Variants in EYS observed in about 807,000 individuals in gnomAD.
EYS encodes the protein EGF-like photoreceptor maintenance factor, also known as protein eyes shut homolog.
In EYS, 250 loss-of-function variants were observed where a neutral mutation model predicts 282.1. That is an observed-to-expected ratio of 0.89 (90% CI 0.80 to 0.98). The LOEUF is 0.98. EYS is among the 50% of genes least tolerant of loss of function. The pLI, the probability that EYS is intolerant of heterozygous loss-of-function variation, is 0.00. For missense variants in EYS, 4,016 were observed against 3,709.0 expected (o/e 1.08, Z -2.15); for synonymous variants, 1,355 against 1,282.9 (o/e 1.06, Z -1.20).
At chr6:65,524,157 C>T (rs1181974217) in intron 2 of EYS, among the ~76,000 whole-genome samples, 2 of 152,204 alleles carry the variant, frequency 1.3e-5, no homozygotes, top group African/African-American at 4.8e-5. Flanking sequence ...CAGGCTTGAG[C>T]CACCGCATCT....
In EYS at chr6:64,912,532, T is replaced by C. The variant is rs1228765084; in HGVS notation, c.2593A>G (p.Thr865Ala). Residue 865 changes from threonine to alanine, a missense_variant, in exon 16 of 43, where the codon ACA becomes GCA. Transcript: ENST00000503581. ...LLHNPCRNNS[T>A]CLALVDANQH... ...TTTGCGTCTACCAAAGCTAAGCATG[T>C]TGAGTTGTTTCTGCAAGGGTTATGA... is the stretch of plus-strand genomic sequence containing the variant. 1.5e-5 allele frequency: 23 copies of C among 1,551,292 alleles called. No homozygotes were observed. The highest frequency in any genetic ancestry group is 2.0e-5 in the Non-Finnish European group (23 of 1,146,664).
chr6:64,201,939 C>A (rs1300165172), intron 31 of EYS, among the ~76,000 whole-genome samples: 1 of 152,132 alleles, frequency 6.6e-6, no homozygotes, highest in Non-Finnish European at 1.5e-5. Context: ...GTATGACTGT[C>A]ATCTAAGTGA....
intron 29 of EYS, among the ~76,000 whole-genome samples, chr6:64,363,691 A>G (rs539970448): frequency 6.6e-6 from 1 of 152,026 alleles, no homozygotes; most frequent in South Asian, 2.1e-4. Context: ...ATCATCGTCA[A>G]TCTACCAAAT....
At chr6:64,742,805 G>T (rs2149962452) in intron 22 of EYS, among the ~76,000 whole-genome samples, 1 of 152,246 alleles carries the variant, frequency 6.6e-6, no homozygotes, top group South Asian at 2.1e-4. Context: ...ACCTCAGAGG[G>T]AATGGCTCCA....
At chr6:64,424,442 G>GA (rs2150454575) in intron 28 of EYS, among the ~76,000 whole-genome samples, 1 of 152,242 alleles carries the variant, frequency 6.6e-6, no homozygotes, top group South Asian at 2.1e-4. Flanking sequence ...CAACTCTGGA[G>GA]AAAAAAATAT....
chr6:64,724,564 G>A (rs190902882), intron 22 of EYS, among the ~76,000 whole-genome samples: 1 of 152,232 alleles, frequency 6.6e-6, no homozygotes, highest in East Asian at 1.9e-4. Context: ...TTTCTATAAA[G>A]AATAGTTTAC....
At chr6:64,774,786 G>C (rs989489205) in intron 22 of EYS, among the ~76,000 whole-genome samples, 1 of 151,670 alleles carries the variant, frequency 6.6e-6, no homozygotes, top group Non-Finnish European at 1.5e-5. Flanking sequence ...CTAAATTTTG[G>C]GCCCATCTTT....
intron 13 of EYS, among the ~76,000 whole-genome samples, chr6:65,037,531 T>C (rs1258182299): frequency 6.6e-6 from 1 of 151,828 alleles, no homozygotes; most frequent in African/African-American, 2.4e-5. Context: ...ATGTATTTTC[T>C]CTTCCGTATG....
intron 26 of EYS, among the ~76,000 whole-genome samples, chr6:64,491,729 A>G (rs1776746085): frequency 6.6e-6 from 1 of 151,040 alleles, no homozygotes; most frequent in Non-Finnish European, 1.5e-5. Context: ...TGTTTCAAAG[A>G]CATAACTCAC....
At chr6:65,461,225 A>G (rs1215761445) in intron 5 of EYS, among the ~76,000 whole-genome samples, 3 of 152,122 alleles carry the variant, frequency 2.0e-5, no homozygotes, top group Non-Finnish European at 4.4e-5. Context: ...CAAAAGCCCA[A>G]TGGTGCCAAA....
chr6:65,131,571 T>G (rs535401643), intron 12 of EYS, among the ~76,000 whole-genome samples: 1 of 151,806 alleles, frequency 6.6e-6, no homozygotes, highest in Admixed American at 6.6e-5. Context: ...CTCTGTTACA[T>G]AGCTACAAGG....
intron 41 of EYS, among the ~76,000 whole-genome samples, chr6:63,737,479 A>ATTTGG: frequency 6.6e-6 from 1 of 152,040 alleles, no homozygotes; most frequent in East Asian, 1.9e-4. Context: ...GTGCTGTTGG[A>ATTTGG]TTTGGTTTTC....
intron 31 of EYS, among the ~76,000 whole-genome samples, chr6:64,107,313 AT>A (rs1773062731): frequency 7.3e-6 from 1 of 137,902 alleles, no homozygotes; most frequent in Non-Finnish European, 1.6e-5. Context: ...ATATATATAT[AT>A]AAAGGGGAGT....
At chr6:63,989,142 G>T (rs565450873) in intron 34 of EYS, among the ~76,000 whole-genome samples, 4 of 151,552 alleles carry the variant, frequency 2.6e-5, no homozygotes, top group African/African-American at 9.7e-5. Context: ...ATACTTTTCG[G>T]TTAAGATGAA....
chr6:64,320,853 T>C (rs1035873764), intron 29 of EYS, among the ~76,000 whole-genome samples: 1 of 151,816 alleles, frequency 6.6e-6, no homozygotes, highest in African/African-American at 2.4e-5. Context: ...CAATTACTCA[T>C]TCATGGCCAG....
At chr6:64,010,321 T>C (rs11757992) in intron 33 of EYS, among the ~76,000 whole-genome samples, 47,670 of 145,514 alleles carry the variant, frequency 0.33, 7,722 homozygotes, top group South Asian at 0.4. Context: ...GGGCAGGGTG[T>C]TGGCAGGTGC....
At chr6:65,563,457 CA>C (rs1283243149) in intron 2 of EYS, among the ~76,000 whole-genome samples, 1 of 151,692 alleles carries the variant, frequency 6.6e-6, no homozygotes, top group Non-Finnish European at 1.5e-5. Flanking sequence ...CATGTATGAT[CA>C]AAATTTATTT....
At chr6:63,752,274 T>G (rs78517295) in intron 41 of EYS, among the ~76,000 whole-genome samples, 1,829 of 152,148 alleles carry the variant, frequency 0.012, 29 homozygotes, top group African/African-American at 0.042. Flanking sequence ...TTAAATAATT[T>G]CTCCCTTAGA....
At chr6:64,874,454 T>C (rs538386956) in intron 19 of EYS, among the ~76,000 whole-genome samples, 5 of 152,250 alleles carry the variant, frequency 3.3e-5, no homozygotes, top group Admixed American at 3.3e-4. Flanking sequence ...GTATGCTCCA[T>C]ACCTGGGCTT....
Sources: allele counts gnomAD v4.1 joint callset (sites outside exome capture counted in the v4.1 genomes callset), GRCh38; gene constraint gnomAD v4.1.1; transcripts MANE v1.5; gene names NCBI Gene and HGNC (gene_info 2026-07-23, HGNC 2026-07-21).